LRRC7: variants seen among roughly 807,000 people sequenced by gnomAD.
LRRC7 encodes leucine rich repeat containing 7, also known as leucine-rich repeat-containing protein 7.
Under a neutral mutation model 175.7 loss-of-function variants are expected in LRRC7, and 23 were observed. The ratio of observed to expected loss-of-function variants is 0.13; its 90% CI spans 0.09 to 0.19. The LOEUF is 0.19. LRRC7 is among the 10% of genes least tolerant of loss of function. LRRC7 has a pLI of 1.00. For synonymous variants in LRRC7, 685 were observed against 680.9 expected, an observed-to-expected ratio of 1.01 and a Z score of -0.09; for missense variants, 1,354 against 1,904.7, an observed-to-expected ratio of 0.71 and a Z score of 5.38.
intron 1 of LRRC7, among the ~76,000 whole-genome samples, chr1:69,672,885 G>A (rs1408447291): frequency 6.6e-6 from 1 of 152,180 alleles, no homozygotes; most frequent in African/African-American, 2.4e-5. Context: ...TGAGCAGCCT[G>A]TCGGTTCCTG....
intron 22 of LRRC7, among the ~76,000 whole-genome samples, chr1:70,050,818 C>G (rs570475341): frequency 6.6e-6 from 1 of 151,960 alleles, no homozygotes; most frequent in African/African-American, 2.4e-5. Flanking sequence ...CACCAAATGT[C>G]AATAAATTGT....
At chr1:70,004,729 G>A (rs993375131) in intron 11 of LRRC7, among the ~76,000 whole-genome samples, 2 of 146,920 alleles carry the variant, frequency 1.4e-5, no homozygotes, top group Admixed American at 6.9e-5. Flanking sequence ...CTCTCCCCCC[G>A]GCTCTCTCTC....
chr1:70,107,555 CAAGCAAAA>C (rs1665228778), intron 25 of LRRC7, among the ~76,000 whole-genome samples, 189 bp from the exon 26 acceptor site: 1 of 152,108 alleles, frequency 6.6e-6, no homozygotes, highest in East Asian at 1.9e-4. Flanking sequence ...CTTCTTTTTG[CAAGCAAAA>C]ATGTTGCTTC....
At chr1:69,825,710 G>T in intron 4 of LRRC7, 38 bp from the exon 5 acceptor site, 2 of 1,333,784 alleles carry the variant, frequency 1.5e-6, no homozygotes, top group Non-Finnish European at 2.1e-6. Context: ...AATATTTGTT[G>T]GAACATTTTC....
At chr1:69,994,687 AT>A in intron 11 of LRRC7, 54 bp downstream of exon 11, 3 of 1,187,576 alleles carry the variant, frequency 2.5e-6, no homozygotes, top group Admixed American at 3.9e-5. Context: ...AAACTAAAGG[AT>A]ATATTGAGTT....
intron 2 of LRRC7, among the ~76,000 whole-genome samples, chr1:69,753,296 ATGTGTGTGTGTGTGTG>A (rs35799015): frequency 6.8e-6 from 1 of 146,236 alleles, no homozygotes; most frequent in Non-Finnish European, 1.5e-5. Context: ...GTGTGTGTGT[ATGTGTGTGTGTGTGTG>A]TGTGTGTGTG....
intron 2 of LRRC7, among the ~76,000 whole-genome samples, chr1:69,741,819 G>A (rs781678781): frequency 4.0e-5 from 6 of 151,888 alleles, no homozygotes; most frequent in Admixed American, 6.6e-5. Context: ...AGCTTCTTCA[G>A]GAGCCTTCTA....
chr1:69,812,611 C>T (rs918940346), intron 4 of LRRC7, among the ~76,000 whole-genome samples: 1 of 152,038 alleles, frequency 6.6e-6, no homozygotes, highest in Non-Finnish European at 1.5e-5. Context: ...ATCTTATAAA[C>T]ATGTTTCCTG....
At chr1:69,908,194 G>A (rs1426732045) in intron 7 of LRRC7, among the ~76,000 whole-genome samples, 2 of 151,576 alleles carry the variant, frequency 1.3e-5, no homozygotes, top group Non-Finnish European at 2.9e-5. Context: ...CAATTTTGTT[G>A]ATCTTTTCAA....
chr1:69,657,557 C>A (rs1656831817), intron 1 of LRRC7, among the ~76,000 whole-genome samples: 1 of 151,716 alleles, frequency 6.6e-6, no homozygotes, highest in African/African-American at 2.4e-5. Flanking sequence ...TTGTATTTTT[C>A]CCCGATGTGT....
chr1:69,934,494 C>CGGGGGGGG (rs573858643), intron 8 of LRRC7, among the ~76,000 whole-genome samples: 8 of 46,506 alleles, frequency 1.7e-4, no homozygotes, highest in Non-Finnish European at 2.5e-4. Context: ...GATATTTTGG[C>CGGGGGGGG]GGGGGGGGGG....
chr1:69,868,611 G>A (rs1427996180), intron 7 of LRRC7, among the ~76,000 whole-genome samples: 1 of 152,060 alleles, frequency 6.6e-6, no homozygotes, highest in African/African-American at 2.4e-5. Context: ...GTCACACTGT[G>A]GGGGTTTGCT....
intron 2 of LRRC7, among the ~76,000 whole-genome samples, chr1:69,719,160 G>A (rs569846373): frequency 3.3e-5 from 5 of 151,784 alleles, no homozygotes; most frequent in South Asian, 2.1e-4. Context: ...TTATTCTTGC[G>A]TAATCCCATC....
rs1239125561 is a variant in LRRC7, at chr1:70,143,372, G to A, written c.*21485G>A. The stretch of plus-strand genomic sequence containing the variant: ...AGTCGTTTTCAAATTTACAATATTC[G>A]ACTGGTAAAGAAAGTGCTTCTTTAT... On this transcript the variant is annotated 3_prime_UTR_variant, in exon 27 of 27. Coordinates refer to ENST00000651989, the MANE Select transcript of LRRC7 (RefSeq NM_001370785.2). The A allele has an allele frequency of 6.6e-6, 1 of 151,934 alleles. No individual in the cohort carries two copies. Among genetic ancestry groups the A allele is most frequent in the Admixed American group, 6.6e-5 (1 of 15,236 alleles). 9.4% of individuals were successfully genotyped at this position (151,934 alleles called of 1,614,324 possible).
intron 1 of LRRC7, among the ~76,000 whole-genome samples, chr1:69,601,467 G>A (rs557279890): frequency 1.3e-5 from 2 of 152,196 alleles, no homozygotes; most frequent in South Asian, 4.1e-4. Flanking sequence ...AAATATATAT[G>A]TATAATAGTT....
intron 22 of LRRC7, among the ~76,000 whole-genome samples, chr1:70,050,032 C>A (rs1445685706): frequency 6.6e-6 from 1 of 152,028 alleles, no homozygotes; most frequent in Non-Finnish European, 1.5e-5. Flanking sequence ...ATACTGTACA[C>A]CCATCAATTA....
intron 5 of LRRC7, among the ~76,000 whole-genome samples, chr1:69,833,415 A>G (rs1049770975): frequency 3.9e-5 from 6 of 152,116 alleles, no homozygotes; most frequent in Non-Finnish European, 8.8e-5. Context: ...AGGAAGATGT[A>G]GACAGGGAGG....
intron 7 of LRRC7, among the ~76,000 whole-genome samples, chr1:69,885,567 G>T (rs1362019118): frequency 8.0e-6 from 1 of 125,768 alleles, no homozygotes; most frequent in African/African-American, 3.3e-5. Flanking sequence ...CAAAAAACCA[G>T]CTCCTGGATT....
At chr1:69,967,908 A>C (rs1300713889) in intron 8 of LRRC7, among the ~76,000 whole-genome samples, 1 of 152,128 alleles carries the variant, frequency 6.6e-6, no homozygotes, top group Non-Finnish European at 1.5e-5. Context: ...TAACACCCCC[A>C]AAAAATCACA....
Sources: gnomAD v4.1 joint callset for allele counts (sites outside exome capture counted in the v4.1 genomes callset) on GRCh38, gnomAD v4.1.1 for gene constraint, MANE v1.5 for transcripts, NCBI Gene and HGNC (gene_info 2026-07-23, HGNC 2026-07-21) for gene names.